The following MGST1 variants were observed in gnomAD, a reference collection of about 807,000 sequenced individuals.
MGST1 encodes microsomal glutathione S-transferase 1.
MGST1 carries 5 observed loss-of-function variants against 8.9 expected under a neutral mutation model. The observed-to-expected ratio is 0.56, with a 90% CI of 0.29 to 1.19. The LOEUF (loss-of-function observed/expected upper bound fraction) is 1.19, where lower values mean the gene tolerates loss of function less well. Ranked by LOEUF, MGST1 falls within the 50% of genes most tolerant of loss-of-function variation. The probability of loss-of-function intolerance (pLI) is 0.08; values close to 1 mark genes in which losing one functional copy is unlikely to be tolerated. For missense variants in MGST1, 182 were observed against 187.4 expected, an observed-to-expected ratio of 0.97 and a Z score of 0.17; for synonymous variants, 54 against 67.8, an observed-to-expected ratio of 0.80 and a Z score of 1.00.
At chr12:16,367,869 G>C (rs1018650035), downstream of MGST1, among the ~76,000 whole-genome samples, 12 of 129,106 alleles carry the variant, frequency 9.3e-5, no homozygotes, top group African/African-American at 4.5e-4. Flanking sequence ...ACCACTGTGG[G>C]TGCTTGGATA....
chr12:16,371,058 C>T (rs1384387652), intron 3 of MGST1, among the ~76,000 whole-genome samples: 1 of 151,984 alleles, frequency 6.6e-6, no homozygotes, highest in East Asian at 1.9e-4. Flanking sequence ...ATTGAATTAC[C>T]TCCATTTAAT....
chr12:16,529,016 C>T (rs1941706119), intron 4 of MGST1, among the ~76,000 whole-genome samples: 1 of 151,984 alleles, frequency 6.6e-6, no homozygotes, highest in African/African-American at 2.4e-5. Flanking sequence ...GGAGAAGGGG[C>T]TTAAGTTGAT....
At chr12:16,467,233 T>C (rs1010884831) in intron 4 of MGST1, among the ~76,000 whole-genome samples, 1 of 152,214 alleles carries the variant, frequency 6.6e-6, no homozygotes, top group Non-Finnish European at 1.5e-5. Flanking sequence ...CTACTACTTA[T>C]ACATGTAACA....
intron 1 of MGST1, among the ~76,000 whole-genome samples, chr12:16,418,759 C>T (rs1940807074): frequency 6.6e-6 from 1 of 152,102 alleles, no homozygotes; most frequent in African/African-American, 2.4e-5. Context: ...ATAATAATGC[C>T]TAACTCTTAC....
intron 4 of MGST1, among the ~76,000 whole-genome samples, chr12:16,566,018 ATATATATATATATATATATAT>A (rs1942592262): frequency 1.2e-5 from 1 of 85,836 alleles, no homozygotes; most frequent in Non-Finnish European, 2.4e-5. Context: ...ATATATATAT[ATATATATATATATATATATAT>A]AAAATGGAGT....
rs1451672921 is a variant in MGST1 at position 16,584,693 on chromosome 12, G to A, written n.483-4835G>A. 6.6e-6 allele frequency among the ~76,000 whole-genome samples: 1 copy of A among 152,086 alleles called. No individual in the cohort carries two copies. Among genetic ancestry groups the A allele is most frequent in the Non-Finnish European group, 1.5e-5 (1 of 68,018 alleles). On this transcript the variant is annotated intron_variant and non_coding_transcript_variant, in intron 4 of 4. Transcript: ENST00000538857. The surrounding 1 kb of genome is among the most constrained non-coding windows in gnomAD (Gnocchi z 5.2). The stretch of plus-strand genomic sequence containing the variant: ...ACTTAAGTCCAAACATATTGCAATG[G>A]CTGCCATGAAGTTCAAGAAACAGCA...
exon 2 of MGST1, chr12:16,437,695 T>C (rs1941000626): frequency 6.6e-6 from 1 of 152,036 alleles, no homozygotes; most frequent in South Asian, 2.1e-4. Flanking sequence ...CATCCTTCCA[T>C]GCTGTTGCAA....
intron 1 of MGST1, among the ~76,000 whole-genome samples, chr12:16,397,810 A>C (rs1194305190): frequency 6.7e-6 from 1 of 148,368 alleles, no homozygotes. Flanking sequence ...GTATATATTT[A>C]AGTGTCAAGT....
chr12:16,520,491 C>T (rs897209186), intron 4 of MGST1, among the ~76,000 whole-genome samples: 5 of 152,032 alleles, frequency 3.3e-5, no homozygotes, highest in African/African-American at 7.2e-5. Context: ...GACTGAGACT[C>T]GAAGAGCTGA....
chr12:16,485,972 G>C (rs1474693022), intron 4 of MGST1, among the ~76,000 whole-genome samples: 1 of 152,024 alleles, frequency 6.6e-6, no homozygotes, highest in Non-Finnish European at 1.5e-5. Context: ...ACCACATAAG[G>C]GGCTTCGATG....
At chr12:16,540,609 T>G (rs543870578) in intron 4 of MGST1, among the ~76,000 whole-genome samples, 6 of 152,292 alleles carry the variant, frequency 3.9e-5, no homozygotes, top group African/African-American at 1.4e-4. Context: ...CATTTAAGAT[T>G]GGGTTAGAAG....
At chr12:16,370,502 T>C (rs2137021203) in intron 3 of MGST1, 1 of 152,276 alleles carries the variant, frequency 6.6e-6, no homozygotes, top group South Asian at 2.1e-4. Flanking sequence ...CTGAAATAAT[T>C]GTATATTATC....
At chr12:16,512,323 C>G (rs116164439) in intron 4 of MGST1, among the ~76,000 whole-genome samples, 1,629 of 152,198 alleles carry the variant, frequency 0.011, 36 homozygotes, top group African/African-American at 0.037. Context: ...AATCTCATCT[C>G]TGGAGAATAA....
At chr12:16,378,293 G>T (rs1206193385), downstream of MGST1, among the ~76,000 whole-genome samples, 2 of 151,920 alleles carry the variant, frequency 1.3e-5, no homozygotes, top group Non-Finnish European at 2.9e-5. Context: ...TAACATGTAA[G>T]TCTTTAATCC....
chr12:16,384,718 C>T (rs2137045656), intron 1 of MGST1, among the ~76,000 whole-genome samples: 1 of 152,352 alleles, frequency 6.6e-6, no homozygotes, highest in African/African-American at 2.4e-5. Context: ...AATCACAGGG[C>T]ACCTAAGTGC....
intron 3 of MGST1, among the ~76,000 whole-genome samples, chr12:16,373,843 T>C (rs371635416): frequency 6.6e-5 from 10 of 152,236 alleles, no homozygotes; most frequent in African/African-American, 2.4e-4. Flanking sequence ...GGATACTCAG[T>C]AATTTTTCAA....
At chr12:16,557,649 G>T (rs750091431) in intron 4 of MGST1, among the ~76,000 whole-genome samples, 2 of 152,074 alleles carry the variant, frequency 1.3e-5, no homozygotes, top group Non-Finnish European at 2.9e-5. Flanking sequence ...GGAAAGTCAA[G>T]TTAGTGGACT....
downstream of MGST1, among the ~76,000 whole-genome samples, chr12:16,440,331 T>G (rs988104399): frequency 6.6e-6 from 1 of 151,768 alleles, no homozygotes; most frequent in Non-Finnish European, 1.5e-5. Context: ...ATTTGGATAC[T>G]CCATGTGACA....
At chr12:16,449,682 T>C (rs1164418187) in intron 4 of MGST1, among the ~76,000 whole-genome samples, 1 of 151,978 alleles carries the variant, frequency 6.6e-6, no homozygotes, top group African/African-American at 2.4e-5. Context: ...CCTGTGGCTT[T>C]GTGATAAAAT....
Sources: gnomAD v4.1 joint callset for allele counts (sites outside exome capture counted in the v4.1 genomes callset) on GRCh38, gnomAD v4.1.1 for gene constraint, Gnocchi (gnomAD v3.1) non-coding constraint, MANE v1.5 for transcripts, NCBI Gene and HGNC (gene_info 2026-07-23, HGNC 2026-07-21) for gene names.